Variants in CLRN1 observed in about 807,000 individuals in gnomAD.
The protein encoded by CLRN1 is clarin-1.
Under a neutral mutation model 18.7 loss-of-function variants are expected in CLRN1, and 15 were observed. The ratio of observed to expected loss-of-function variants is 0.80; its 90% confidence interval spans 0.54 to 1.23. The LOEUF is 1.23. CLRN1 is among the 50% of genes most tolerant of loss of function. The pLI is 0.00. For synonymous variants in CLRN1, 104 were observed against 102.9 expected, an observed-to-expected ratio of 1.01 and a Z score of -0.07; for missense variants, 311 against 277.5, an observed-to-expected ratio of 1.12 and a Z score of -0.86.
chr3:150,961,482 C>A (rs1234725644), intron 1 of CLRN1, among the ~76,000 whole-genome samples: 1 of 152,088 alleles, frequency 6.6e-6, no homozygotes, highest in Non-Finnish European at 1.5e-5. Context: ...CTTCATCTGG[C>A]CAGATGTAAA....
rs34027634 is a variant in CLRN1 at position 150,927,631 on chromosome 3, TACACACACACACACAC to T, written c.*289_*304del. On this transcript the variant is annotated 3_prime_UTR_variant, in exon 3 of 3. Coordinates refer to ENST00000327047, the MANE Select transcript of CLRN1 (RefSeq NM_174878.3). ...ATATCTTTTTGATAGGAAGACATCTTACACACACACACACACACACACACACACATATATATATATG... is the reference window on the plus strand; with the variant it reads ...ATATCTTTTTGATAGGAAGACATCTTACACACACACACATATATATATATG... 141 of 473,434 alleles carry T rather than the reference TACACACACACACACAC, an allele frequency of 3.0e-4. No homozygotes were observed. Among genetic ancestry groups the T allele is most frequent in the South Asian group, 7.7e-4 (45 of 58,498 alleles). 29.3% of individuals were successfully genotyped at this position (473,434 alleles called of 1,614,324 possible).
At chr3:150,933,581 G>A (rs1713286877) in intron 2 of CLRN1, among the ~76,000 whole-genome samples, 2 of 152,164 alleles carry the variant, frequency 1.3e-5, no homozygotes, top group Admixed American at 6.5e-5. Flanking sequence ...GTCTGTGTGT[G>A]TTTCTGAAGT....
At chr3:150,959,961 G>A (rs1259089619) in intron 1 of CLRN1, among the ~76,000 whole-genome samples, 1 of 152,162 alleles carries the variant, frequency 6.6e-6, no homozygotes, top group Non-Finnish European at 1.5e-5. Context: ...GTCTCAGGCA[G>A]TTGGAATACA....
chr3:150,930,026 A>T (rs928200519), intron 2 of CLRN1, among the ~76,000 whole-genome samples: 1 of 152,078 alleles, frequency 6.6e-6, no homozygotes, highest in Non-Finnish European at 1.5e-5. Flanking sequence ...TATATGGGGG[A>T]TAGTTGTGGA....
chr3:150,952,648 A>G (rs1243885966), intron 1 of CLRN1, among the ~76,000 whole-genome samples: 1 of 152,060 alleles, frequency 6.6e-6, no homozygotes, highest in Non-Finnish European at 1.5e-5. Flanking sequence ...AAACAAACAA[A>G]CAAACCCTGA....
At chr3:150,931,205 A>G (rs372993743) in intron 2 of CLRN1, among the ~76,000 whole-genome samples, 54 of 152,372 alleles carry the variant, frequency 3.5e-4, no homozygotes, top group African/African-American at 1.3e-3. Context: ...ATGGACCAAA[A>G]GATATGCATG....
chr3:150,972,414 C>T lies in CLRN1; in HGVS notation c.253+42G>A, dbSNP rs749546929. 7 of 1,613,896 alleles carry T rather than the reference C, an allele frequency of 4.3e-6. No individual in the cohort carries two copies. The Admixed American group carries it at 1.0e-4, about 23-fold the overall frequency. ...AATTCCTCGCAACACTGGGAAGAGT[C>T]TGCCTAAAGCATTAAATAACTCAAA... On this transcript the variant is annotated intron_variant, in intron 1 of 2. Transcript: ENST00000327047.
In CLRN1 at chr3:150,927,263, T is replaced by C. The variant is rs548490899; in HGVS notation, c.*673A>G. The C allele has an allele frequency of 2.2e-6, 1 of 450,766 alleles. No homozygotes were observed. Among genetic ancestry groups the C allele is most frequent in the Non-Finnish European group, 4.4e-6 (1 of 229,020 alleles). 27.9% of individuals were successfully genotyped at this position (450,766 alleles called of 1,614,324 possible). A position where few individuals can be genotyped will look rare whatever the true frequency, so the allele number is the denominator to read the frequency against. ...GACATGGTTAATAAGACTATGCTTT[T>C]TTAAAGCCTATATTTTATATTTATT... is the stretch of plus-strand genomic sequence containing the variant. On this transcript the variant is annotated 3_prime_UTR_variant, in exon 3 of 3. Transcript: ENST00000327047.
At position 150,965,563 on chromosome 3, in the gene CLRN1, G is replaced by A. The variant is rs191415730; in HGVS notation, c.253+6893C>T. ...TTCTGAGAAGTCTGAAAGTCCTTGG[G>A]GAAGATGAGTCACCTTCAGAAATTA... On this transcript the variant is annotated intron_variant, in intron 1 of 2. Coordinates refer to ENST00000327047, the MANE Select transcript of CLRN1 (RefSeq NM_174878.3). Among the ~76,000 whole-genome samples, 268 of 152,212 alleles carry A rather than the reference G, an allele frequency of 1.8e-3. 1 individual carries two copies. The highest frequency in any genetic ancestry group is 0.012 in the South Asian group (58 of 4,818).
intron 1 of CLRN1, among the ~76,000 whole-genome samples, chr3:150,967,140 T>C (rs1038470980): frequency 1.3e-5 from 2 of 152,204 alleles, no homozygotes; most frequent in Non-Finnish European, 2.9e-5. Context: ...GGCCATGCAC[T>C]GTCTGAGGCC....
intron 2 of CLRN1, among the ~76,000 whole-genome samples, chr3:150,936,237 C>G (rs1228807981): frequency 6.6e-6 from 1 of 152,112 alleles, no homozygotes; most frequent in Non-Finnish European, 1.5e-5. Context: ...TATGTGCATT[C>G]TCTCCCTAGG....
intron 1 of CLRN1, among the ~76,000 whole-genome samples, chr3:150,963,000 A>G (rs966673497): frequency 3.9e-5 from 6 of 152,194 alleles, no homozygotes; most frequent in African/African-American, 1.2e-4. Context: ...GTGAGGCTTC[A>G]ATACTATTCT....
intron 1 of CLRN1, among the ~76,000 whole-genome samples, chr3:150,959,913 A>G (rs1714942758): frequency 6.6e-6 from 1 of 152,142 alleles, no homozygotes; most frequent in Admixed American, 6.6e-5. Context: ...ATCCTAGTAA[A>G]TTCAACCTAA....
At chr3:150,941,138 G>GTCTA (rs59227042) in intron 2 of CLRN1, among the ~76,000 whole-genome samples, 6,598 of 141,490 alleles carry the variant, frequency 0.047, 355 homozygotes, top group African/African-American at 0.13. Flanking sequence ...CTGTCTGTCT[G>GTCTA]TCTATCTATC....
At chr3:150,944,154 A>C in intron 1 of CLRN1, 1 of 417,030 alleles carries the variant, frequency 2.4e-6, no homozygotes, top group South Asian at 2.2e-5. Flanking sequence ...AAAGATCTAC[A>C]GAAAGAACTT....
In CLRN1 at chr3:150,926,592, G is replaced by T; in HGVS notation, c.*1344C>A. 1 of 664,986 alleles carries T rather than the reference G, an allele frequency of 1.5e-6. No individual in the cohort carries two copies. The highest frequency in any genetic ancestry group is 2.1e-5 in the Admixed American group (1 of 47,712). The allele number at this position is 664,986 out of a possible 1,614,324, so 41.2% of individuals were successfully genotyped here. On this transcript the variant is annotated 3_prime_UTR_variant, in exon 3 of 3. Coordinates refer to ENST00000327047, the MANE Select transcript of CLRN1 (RefSeq NM_174878.3). ...AGCATCTGGAAACTCGGTGTGTTCT[G>T]ATGTCTGCTGGCGAATAGCGAATTG... is the stretch of plus-strand genomic sequence containing the variant.
rs34027634 is a variant in CLRN1, at chr3:150,927,631, TACAC to T, written c.*301_*304del. On this transcript the variant is annotated 3_prime_UTR_variant, in exon 3 of 3. Transcript: ENST00000327047. ...ATATCTTTTTGATAGGAAGACATCT[TACAC>T]ACACACACACACACACACACACACA... 52,266 of 457,236 alleles carry T rather than the reference TACAC, an allele frequency of 0.11. 1,686 individuals carry two copies. The highest frequency in any genetic ancestry group is 0.28 in the East Asian group (4,889 of 17,728). 28.3% of individuals were successfully genotyped at this position (457,236 alleles called of 1,614,324 possible). A position where few individuals can be genotyped will look rare whatever the true frequency, so the allele number is the denominator to read the frequency against.
intron 1 of CLRN1, among the ~76,000 whole-genome samples, chr3:150,969,652 G>A (rs948085682): frequency 1.3e-5 from 2 of 152,080 alleles, no homozygotes; most frequent in Non-Finnish European, 2.9e-5. Flanking sequence ...TTATTGGCCA[G>A]TGCTGATATA....
chr3:150,948,641 T>C (rs1714316485), intron 1 of CLRN1, among the ~76,000 whole-genome samples: 1 of 152,012 alleles, frequency 6.6e-6, no homozygotes, highest in Non-Finnish European at 1.5e-5. Context: ...TACATACACC[T>C]TCCCAAGACT....
Sources: gnomAD v4.1 joint callset for allele counts (sites outside exome capture counted in the v4.1 genomes callset) on GRCh38, gnomAD v4.1.1 for gene constraint, MANE v1.5 for transcripts, NCBI Gene and HGNC (gene_info 2026-07-23, HGNC 2026-07-21) for gene names.